Variants in DPP10 observed in about 807,000 individuals in gnomAD.
DPP10 encodes dipeptidyl peptidase like 10.
A neutral mutation model predicts 120.9 loss-of-function variants in DPP10; 33 were observed. The observed-to-expected ratio is 0.27, with a 90% confidence interval of 0.21 to 0.37. The LOEUF (loss-of-function observed/expected upper bound fraction) is 0.37. Ranked by LOEUF, DPP10 falls within the 10% of genes least tolerant of loss-of-function variation. The probability of loss-of-function intolerance (pLI) is 1.00; values close to 1 mark genes in which losing one functional copy is unlikely to be tolerated. For synonymous variants in DPP10, 337 were observed against 326.1 expected (o/e 1.03, Z -0.36); for missense variants, 816 against 942.8 (o/e 0.87, Z 1.76).
At chr2:115,415,374 T>C (rs1186622969) in intron 3 of DPP10, among the ~76,000 whole-genome samples, 3 of 152,194 alleles carry the variant, frequency 2.0e-5, no homozygotes, top group African/African-American at 7.2e-5. Flanking sequence ...TGCTTCTGTA[T>C]CTATCACAAG....
chr2:115,239,348 A>G lies in DPP10; in HGVS notation c.61-69891A>G, dbSNP rs528987703. Among the ~76,000 whole-genome samples the G allele has an allele frequency of 1.3e-4, 20 of 152,320 alleles. No homozygotes were observed. The East Asian group carries it at 3.1e-3, about 24-fold the overall frequency. ...TAAATACTTTGCAAAGGAAAAGTCAATCAATGTGGCAAAATCCATCGTCTT... is the reference window on the plus strand; with the variant it reads ...TAAATACTTTGCAAAGGAAAAGTCAGTCAATGTGGCAAAATCCATCGTCTT... On this transcript the variant is annotated intron_variant, in intron 1 of 25. Transcript: ENST00000410059.
chr2:115,390,754 C>T (rs1460653179), intron 3 of DPP10, among the ~76,000 whole-genome samples: 2 of 152,198 alleles, frequency 1.3e-5, no homozygotes, highest in East Asian at 3.9e-4. Flanking sequence ...TATAGAAACA[C>T]ATTAAACTGA....
At chr2:115,286,403 T>A (rs1170104241) in intron 1 of DPP10, among the ~76,000 whole-genome samples, 1 of 147,232 alleles carries the variant, frequency 6.8e-6, no homozygotes, top group Non-Finnish European at 1.5e-5. Context: ...TCTTTTTTTT[T>A]ACTTTGGAAT....
chr2:115,388,882 A>T (rs1290058549), intron 3 of DPP10, among the ~76,000 whole-genome samples: 1 of 151,980 alleles, frequency 6.6e-6, no homozygotes, highest in Non-Finnish European at 1.5e-5. Flanking sequence ...AAAAATACAC[A>T]TGATATGTAA....
intron 1 of DPP10, among the ~76,000 whole-genome samples, chr2:114,705,801 G>A (rs1700651262): frequency 6.6e-6 from 1 of 152,100 alleles, no homozygotes; most frequent in South Asian, 2.1e-4. Flanking sequence ...ATAATATAAG[G>A]CTATATTGCC....
At chr2:115,776,557 T>C (rs1375332356) in intron 13 of DPP10, among the ~76,000 whole-genome samples, 1 of 152,162 alleles carries the variant, frequency 6.6e-6, no homozygotes, top group Non-Finnish European at 1.5e-5. Flanking sequence ...TAATCCATTC[T>C]AATCAGTGTT....
At chr2:114,454,658 C>T (rs1308395205) in intron 1 of DPP10, among the ~76,000 whole-genome samples, 2 of 152,166 alleles carry the variant, frequency 1.3e-5, no homozygotes, top group Admixed American at 1.3e-4. Flanking sequence ...TACTGCTCCT[C>T]ATTCGGGCTG....
intron 19 of DPP10, among the ~76,000 whole-genome samples, chr2:115,791,986 T>G (rs1288309077): frequency 2.0e-5 from 3 of 152,186 alleles, no homozygotes; most frequent in African/African-American, 4.8e-5. Context: ...GGTAGCATAT[T>G]GATATAATAG....
chr2:114,791,584 G>GA (rs992018438), intron 1 of DPP10, among the ~76,000 whole-genome samples: 357 of 149,192 alleles, frequency 2.4e-3, no homozygotes, highest in African/African-American at 8.1e-3. Context: ...GTTTTCTCTG[G>GA]AAAAAAAAAA....
At chr2:115,295,000 C>T (rs765990093) in intron 1 of DPP10, among the ~76,000 whole-genome samples, 8 of 152,180 alleles carry the variant, frequency 5.3e-5, no homozygotes, top group Non-Finnish European at 1.0e-4. Context: ...CAAAGGAAAA[C>T]TCTTAATTTA....
chr2:115,714,696 A>G (rs2092431007), intron 7 of DPP10, among the ~76,000 whole-genome samples: 1 of 152,092 alleles, frequency 6.6e-6, no homozygotes, highest in Non-Finnish European at 1.5e-5. Flanking sequence ...GCCTTTTCTC[A>G]TACTAGTTTC....
intron 1 of DPP10, among the ~76,000 whole-genome samples, chr2:114,530,607 A>G (rs1685888290): frequency 6.6e-6 from 1 of 152,144 alleles, no homozygotes; most frequent in African/African-American, 2.4e-5. Context: ...ACCTCAGAGC[A>G]CAAGCCAATA....
intron 1 of DPP10, among the ~76,000 whole-genome samples, chr2:115,302,136 A>G (rs1409862837): frequency 6.6e-6 from 1 of 151,922 alleles, no homozygotes; most frequent in East Asian, 2.0e-4. Flanking sequence ...TGAAGGGGGA[A>G]GTGCCACACG....
chr2:114,768,156 G>GAA (rs369211755), intron 1 of DPP10, among the ~76,000 whole-genome samples: 2 of 137,230 alleles, frequency 1.5e-5, no homozygotes, highest in African/African-American at 5.3e-5. Context: ...AGTTCTCAGA[G>GAA]AAAAAAAAAA....
intron 19 of DPP10, among the ~76,000 whole-genome samples, chr2:115,802,532 A>G (rs1390140827): frequency 2.6e-5 from 4 of 152,164 alleles, no homozygotes; most frequent in Admixed American, 1.3e-4. Flanking sequence ...TAGGGTGTCA[A>G]TTTTAGATCT....
intron 3 of DPP10, among the ~76,000 whole-genome samples, chr2:115,438,275 A>C (rs2071686632): frequency 6.6e-6 from 1 of 152,148 alleles, no homozygotes; most frequent in Admixed American, 6.6e-5. Context: ...TGGAGAAATT[A>C]ATTGGAATCT....
At chr2:114,831,085 T>A (rs1262714922) in intron 1 of DPP10, among the ~76,000 whole-genome samples, 1 of 143,380 alleles carries the variant, frequency 7.0e-6, no homozygotes, top group African/African-American at 2.7e-5. Flanking sequence ...ACATCAGAAA[T>A]GTTGTATTAA....
chr2:115,719,615 T>C (rs970984801), intron 7 of DPP10, among the ~76,000 whole-genome samples: 6 of 152,182 alleles, frequency 3.9e-5, no homozygotes, highest in Admixed American at 2.0e-4. Flanking sequence ...CAGAATTTAT[T>C]GTATACTGAC....
rs551759964 is a variant in DPP10 at position 114,464,144 on chromosome 2, T to C, written c.60+21306T>C. The stretch of plus-strand genomic sequence containing the variant: ...TGGACATAAATTCAAGTCAATTGGG[T>C]AAATACCTAAAATTGCAACTTATGG... On this transcript the variant is annotated intron_variant, in intron 1 of 25. Coordinates refer to ENST00000410059, the MANE Select transcript of DPP10 (RefSeq NM_020868.6). Among the ~76,000 whole-genome samples, 3 of 152,350 alleles carry C rather than the reference T, an allele frequency of 2.0e-5. No individual in the cohort carries two copies. In the East Asian group the frequency reaches 5.8e-4, roughly 29 times the overall value.
Sources: allele counts gnomAD v4.1 joint callset (sites outside exome capture counted in the v4.1 genomes callset), GRCh38; gene constraint gnomAD v4.1.1; transcripts MANE v1.5; gene names NCBI Gene and HGNC (gene_info 2026-07-23, HGNC 2026-07-21).